GALNT9: variants seen among roughly 807,000 people sequenced by gnomAD.
GALNT9 encodes polypeptide N-acetylgalactosaminyltransferase 9.
In GALNT9, 47 loss-of-function variants were observed where a neutral mutation model predicts 63.1. The observed-to-expected ratio is 0.75, with a 90% confidence interval of 0.59 to 0.95. The LOEUF is 0.95. GALNT9 is among the 40% of genes least tolerant of loss of function. The pLI is 0.00. For synonymous variants in GALNT9, 396 were observed against 365.7 expected (o/e 1.08, Z -0.94); for missense variants, 829 against 874.8 (o/e 0.95, Z 0.66).
At chr12:132,318,560 C>T (rs1868631600) in intron 1 of GALNT9, among the ~76,000 whole-genome samples, 1 of 152,244 alleles carries the variant, frequency 6.6e-6, no homozygotes, top group Admixed American at 6.5e-5. Flanking sequence ...TGCAGTGTCG[C>T]AGCTGCAGCC....
At chr12:132,314,042 C>T (rs1272269014) in intron 1 of GALNT9, among the ~76,000 whole-genome samples, 1 of 77,288 alleles carries the variant, frequency 1.3e-5, no homozygotes, top group African/African-American at 4.0e-5. Flanking sequence ...CTCACCCACC[C>T]ATCCACACAT....
At chr12:132,224,880 T>C (rs1173899643) in intron 6 of GALNT9, among the ~76,000 whole-genome samples, 4 of 123,960 alleles carry the variant, frequency 3.2e-5, no homozygotes, top group East Asian at 2.7e-4. Flanking sequence ...ACCCCACACA[T>C]ACCACACAAT....
chr12:132,203,460 C>T (rs541842736), intron 7 of GALNT9, 45 bp downstream of exon 7: 18 of 1,600,494 alleles, frequency 1.1e-5, no homozygotes, highest in South Asian at 3.3e-5. Flanking sequence ...GCATTGACCC[C>T]GACCCTGGGG....
intron 5 of GALNT9, among the ~76,000 whole-genome samples, chr12:132,256,374 C>T (rs1353538358): frequency 1.3e-5 from 2 of 151,962 alleles, no homozygotes; most frequent in Non-Finnish European, 2.9e-5. Flanking sequence ...GGGTCCACTC[C>T]TCCCTGTTTC....
At chr12:132,317,260 A>C (rs567901193) in intron 1 of GALNT9, among the ~76,000 whole-genome samples, 116 of 151,984 alleles carry the variant, frequency 7.6e-4, no homozygotes, top group African/African-American at 2.6e-3. Flanking sequence ...CCCATACCCC[A>C]TGGAGCACAG....
At position 132,196,630 on chromosome 12, in the gene GALNT9, T is replaced by C. The variant is rs763188957; in HGVS notation, c.*477A>G. On this transcript the variant is annotated 3_prime_UTR_variant, in exon 11 of 11. Transcript: ENST00000328957. ...CCCCTCTTACCAGACCACAAGGAGC[T>C]GCATTATGATGTGTGACTTAGGTCT... 5.0e-6 allele frequency: 5 copies of C among 993,326 alleles called. No homozygotes were observed. Among genetic ancestry groups the C allele is most frequent in the Non-Finnish European group, 6.0e-6 (5 of 835,002 alleles). 61.5% of individuals were successfully genotyped at this position (993,326 alleles called of 1,614,324 possible). A position where few individuals can be genotyped will look rare whatever the true frequency, so the allele number is the denominator to read the frequency against.
chr12:132,231,047 GAC>G (rs1877874728), intron 6 of GALNT9, among the ~76,000 whole-genome samples: 2 of 139,930 alleles, frequency 1.4e-5, no homozygotes, highest in African/African-American at 5.6e-5. Context: ...CGACAGAGGA[GAC>G]AGCGTGGAGT....
chr12:132,297,259 CA>C lies in GALNT9; in HGVS notation c.239-10830del, dbSNP rs539974192. 3.5e-3 allele frequency among the ~76,000 whole-genome samples: 530 copies of C among 150,676 alleles called. 1 individual carries two copies. Among genetic ancestry groups the C allele is most frequent in the African/African-American group, 0.012 (500 of 40,832 alleles). On this transcript the variant is annotated intron_variant, in intron 1 of 10. Transcript: ENST00000328957. ...ACCAACTCACTCGAGATAACTAACT[CA>C]CTCCCAGGATAATCAAGACACTGCC...
chr12:132,217,431 C>T (rs1025435527), intron 6 of GALNT9, among the ~76,000 whole-genome samples: 46 of 149,698 alleles, frequency 3.1e-4, no homozygotes, highest in Admixed American at 2.7e-3. Context: ...TCCATCCATC[C>T]ACTCATTCAT....
intron 6 of GALNT9, among the ~76,000 whole-genome samples, chr12:132,225,028 C>A: frequency 7.5e-6 from 1 of 133,984 alleles, no homozygotes; most frequent in Non-Finnish European, 1.6e-5. Context: ...CCCCACACAC[C>A]ACATAACCCA....
Position 132,236,833 on chromosome 12 carries a change from C to T in GALNT9, c.1077+11077G>A, listed in dbSNP as rs2136895021. On this transcript the variant is annotated intron_variant, in intron 6 of 10. Coordinates refer to ENST00000328957, the MANE Select transcript of GALNT9 (RefSeq NM_001122636.2). The surrounding 1 kb of genome is among the most constrained non-coding windows in gnomAD (Gnocchi z 5.6). ...CCTGGGCATGGCGGCCCCTCATGCC[C>T]GTTTTCCCAGGGTTGGTTTGGCTGT... 9.7e-3 allele frequency among the ~76,000 whole-genome samples: 1,482 copies of T among 152,264 alleles called. 14 individuals carry two copies. Among genetic ancestry groups the T allele is most frequent in the Non-Finnish European group, 0.017 (1,143 of 68,012 alleles).
intron 7 of GALNT9, among the ~76,000 whole-genome samples, chr12:132,201,760 G>A (rs570715318): frequency 3.3e-5 from 5 of 152,192 alleles, no homozygotes; most frequent in Admixed American, 2.0e-4. Flanking sequence ...GACCCCCCGC[G>A]GGGGGACACC....
intron 1 of GALNT9, among the ~76,000 whole-genome samples, chr12:132,300,770 G>C (rs559948485): frequency 1.7e-5 from 2 of 119,518 alleles, no homozygotes; most frequent in Non-Finnish European, 3.4e-5. Context: ...TCACTCCCAT[G>C]ATAACTAACC....
At chr12:132,251,533 C>T (rs1878915410) in intron 5 of GALNT9, among the ~76,000 whole-genome samples, 1 of 152,214 alleles carries the variant, frequency 6.6e-6, no homozygotes, top group Non-Finnish European at 1.5e-5. Context: ...AAGGCCAGCT[C>T]TCAGAGGGGA....
At chr12:132,258,253 C>G (rs1020435706) in intron 4 of GALNT9, among the ~76,000 whole-genome samples, 76 of 152,210 alleles carry the variant, frequency 5.0e-4, no homozygotes, top group Non-Finnish European at 1.0e-3. Context: ...TGCCCAGCCC[C>G]GAGTCCCTCC....
chr12:132,256,219 G>A (rs73469879), intron 5 of GALNT9, among the ~76,000 whole-genome samples: 2,519 of 152,088 alleles, frequency 0.017, 69 homozygotes, highest in African/African-American at 0.057. Flanking sequence ...CCTTCCCTGT[G>A]AGCCCCGACC....
intron 6 of GALNT9, chr12:132,240,728 C>A (rs1473058331): frequency 2.2e-6 from 1 of 455,856 alleles, no homozygotes; most frequent in East Asian, 6.9e-5. Context: ...CCTTCTGTTT[C>A]CTGGGAAGTT....
intron 9 of GALNT9, 94 bp from the exon 10 acceptor site, chr12:132,198,053 C>T (rs569109416): frequency 8.5e-6 from 9 of 1,060,822 alleles, no homozygotes; most frequent in South Asian, 1.5e-5. Flanking sequence ...GAGCTGCAAA[C>T]GGGGCCCTGC....
Position 132,296,954 on chromosome 12 carries a change from C to G in GALNT9, c.239-10524G>C, listed in dbSNP as rs1295110898. 1.3e-5 allele frequency among the ~76,000 whole-genome samples: 2 copies of G among 152,018 alleles called. No homozygotes were observed. Among genetic ancestry groups the G allele is most frequent in the Admixed American group, 6.5e-5 (1 of 15,276 alleles). The stretch of plus-strand genomic sequence containing the variant: ...AATAACAAAGCCACTCCTCAGATAA[C>G]CAACACATTCCCGAAATAAACAACA... On this transcript the variant is annotated intron_variant, in intron 1 of 10. Transcript: ENST00000328957. This position sits in a 1 kb window ranked among gnomAD's most constrained non-coding sequence, Gnocchi z 4.2.
Sources: gnomAD v4.1 joint callset for allele counts (sites outside exome capture counted in the v4.1 genomes callset) on GRCh38, gnomAD v4.1.1 for gene constraint, Gnocchi (gnomAD v3.1) non-coding constraint, MANE v1.5 for transcripts, NCBI Gene and HGNC (gene_info 2026-07-23, HGNC 2026-07-21) for gene names.